CATSPERT: variants seen among roughly 807,000 people sequenced by gnomAD.
CATSPERT encodes the protein catsper channel auxiliary subunit tau.
At chr2:201,497,636 G>T in the CATSPERT span, among the ~76,000 whole-genome samples, 1 of 152,162 alleles carries the variant, frequency 6.6e-6, no homozygotes, top group African/African-American at 2.4e-5. Flanking sequence ...GAGGAAGGAG[G>T]ATGCTATTAA....
At chr2:201,601,873 G>A in the CATSPERT span, 3 of 1,588,618 alleles carry the variant, frequency 1.9e-6, no homozygotes, top group Non-Finnish European at 2.6e-6. Context: ...TTAGCATAAT[G>A]TTGTAAACTG....
chr2:201,591,120 T>A, the CATSPERT span, among the ~76,000 whole-genome samples: 4 of 152,282 alleles, frequency 2.6e-5, no homozygotes, highest in African/African-American at 4.8e-5. Context: ...ATTTTAGGTC[T>A]AACGTTTTAA....
chr2:201,553,406 T>A, the CATSPERT span: 1 of 152,232 alleles, frequency 6.6e-6, no homozygotes. Context: ...TGTGATGGTG[T>A]AAATGACTCA....
chr2:201,529,985 C>G, the CATSPERT span, among the ~76,000 whole-genome samples: 10 of 151,906 alleles, frequency 6.6e-5, no homozygotes, highest in Admixed American at 3.3e-4. Flanking sequence ...ATATGAAAGG[C>G]CAATAGATAT....
chr2:201,558,116 G>A, the CATSPERT span: 1 of 152,136 alleles, frequency 6.6e-6, no homozygotes, highest in South Asian at 2.1e-4. Flanking sequence ...ACTGTCTATT[G>A]CATTTGAATT....
chr2:201,529,754 T>C, the CATSPERT span, among the ~76,000 whole-genome samples: 1 of 151,978 alleles, frequency 6.6e-6, no homozygotes, highest in Admixed American at 6.6e-5. Context: ...ATAAGACAAA[T>C]GGAGTTGCAT....
the CATSPERT span, among the ~76,000 whole-genome samples, chr2:201,577,398 G>C: frequency 3.3e-5 from 5 of 152,170 alleles, no homozygotes; most frequent in African/African-American, 1.2e-4. Flanking sequence ...ATCTCACTTC[G>C]AGTATACATT....
the CATSPERT span, among the ~76,000 whole-genome samples, chr2:201,596,507 C>T: frequency 6.6e-6 from 1 of 152,064 alleles, no homozygotes; most frequent in East Asian, 1.9e-4. Flanking sequence ...ATAATCTGTA[C>T]AACAAACCCC....
the CATSPERT span, among the ~76,000 whole-genome samples, chr2:201,607,023 GAGAA>G: frequency 5.6e-3 from 813 of 145,038 alleles, 7 homozygotes; most frequent in African/African-American, 0.019. Context: ...AATAGTAAGG[GAGAA>G]AGAAAGGAAC....
the CATSPERT span, among the ~76,000 whole-genome samples, chr2:201,577,656 A>T: frequency 2.0e-5 from 3 of 152,190 alleles, no homozygotes; most frequent in East Asian, 1.9e-4. Flanking sequence ...ACACTGTATG[A>T]TCTCACTTAT....
chr2:201,618,549 C>T, the CATSPERT span, among the ~76,000 whole-genome samples: 4 of 119,168 alleles, frequency 3.4e-5, no homozygotes. Flanking sequence ...TCACACACCA[C>T]GGCCTGTCGT....
chr2:201,619,016 C>G, the CATSPERT span: 1 of 1,614,120 alleles, frequency 6.2e-7, no homozygotes, highest in Non-Finnish European at 8.5e-7. Context: ...TGCATGATAT[C>G]CGGGCTGCTG....
chr2:201,563,419 G>A, the CATSPERT span, among the ~76,000 whole-genome samples: 1 of 105,008 alleles, frequency 9.5e-6, no homozygotes, highest in Non-Finnish European at 2.0e-5. Flanking sequence ...GCGGGGGGCT[G>A]ACCCCCTCAC....
the CATSPERT span, among the ~76,000 whole-genome samples, chr2:201,575,793 T>G: frequency 6.6e-6 from 1 of 152,132 alleles, no homozygotes; most frequent in East Asian, 1.9e-4. Context: ...GTAATAATAA[T>G]AGAAATAAAG....
At chr2:201,551,781 G>T in the CATSPERT span, among the ~76,000 whole-genome samples, 1 of 152,004 alleles carries the variant, frequency 6.6e-6, no homozygotes, top group Non-Finnish European at 1.5e-5. Flanking sequence ...GGTGGTGCAT[G>T]CCTGTAATCC....
At chr2:201,504,803 G>A in the CATSPERT span, among the ~76,000 whole-genome samples, 1 of 152,194 alleles carries the variant, frequency 6.6e-6, no homozygotes, top group Non-Finnish European at 1.5e-5. Flanking sequence ...ATGCTGGAGG[G>A]AACATAAGGT....
chr2:201,498,437 G>A, the CATSPERT span, among the ~76,000 whole-genome samples: 1 of 152,084 alleles, frequency 6.6e-6, no homozygotes. Flanking sequence ...GACTCAGCAA[G>A]CAAGCTCATC....
At chr2:201,552,391 A>T in the CATSPERT span, among the ~76,000 whole-genome samples, 1 of 152,150 alleles carries the variant, frequency 6.6e-6, no homozygotes, top group South Asian at 2.1e-4. Flanking sequence ...AAATTATGAC[A>T]TTACAAGAAT....
At chr2:201,613,835 T>G in the CATSPERT span, among the ~76,000 whole-genome samples, 2 of 152,098 alleles carry the variant, frequency 1.3e-5, no homozygotes, top group Non-Finnish European at 2.9e-5. Flanking sequence ...AATGGCTAAT[T>G]AGAATAAACA....
Sources: allele counts gnomAD v4.1 joint callset (sites outside exome capture counted in the v4.1 genomes callset), GRCh38; gene constraint gnomAD v4.1.1; transcripts MANE v1.5; gene names NCBI Gene and HGNC (gene_info 2026-07-23, HGNC 2026-07-21).